PPP1R12A: variants seen among roughly 807,000 people sequenced by gnomAD.
PPP1R12A encodes the protein myosin binding subunit.
In PPP1R12A, 19 loss-of-function variants were observed where a neutral mutation model predicts 139.6. The ratio of observed to expected loss-of-function variants is 0.14; its 90% confidence interval spans 0.09 to 0.20. The LOEUF (loss-of-function observed/expected upper bound fraction) is 0.20, where lower values mean the gene tolerates loss of function less well. Ranked by LOEUF, PPP1R12A falls within the 10% of genes least tolerant of loss-of-function variation. PPP1R12A has a pLI of 1.00. For synonymous variants in PPP1R12A, 427 were observed against 420.6 expected (o/e 1.02, Z -0.19); for missense variants, 925 against 1,211.5 (o/e 0.76, Z 3.51).
At chr12:79,931,653 G>A (rs1033886066) in intron 1 of PPP1R12A, among the ~76,000 whole-genome samples, 3 of 152,064 alleles carry the variant, frequency 2.0e-5, no homozygotes, top group Non-Finnish European at 4.4e-5. Context: ...AACTCTACCA[G>A]GTAGCTATAA....
At chr12:79,923,958 C>T (rs1488405819) in intron 1 of PPP1R12A, among the ~76,000 whole-genome samples, 1 of 152,076 alleles carries the variant, frequency 6.6e-6, no homozygotes, top group East Asian at 1.9e-4. Context: ...GCAGGAGAAT[C>T]ACTTGAACCT....
chr12:79,840,242 T>C (rs1052737769), intron 3 of PPP1R12A, among the ~76,000 whole-genome samples: 2 of 152,200 alleles, frequency 1.3e-5, no homozygotes, highest in African/African-American at 2.4e-5. Flanking sequence ...GCTATGAGGA[T>C]GAAATGAAGA....
chr12:79,797,143 A>G (rs1482133567), intron 16 of PPP1R12A, 52 bp downstream of exon 16: 8 of 1,440,782 alleles, frequency 5.6e-6, no homozygotes, highest in East Asian at 2.3e-5. Context: ...GTTAAGGATC[A>G]TAAGGACTAT....
chr12:79,917,117 GT>G (rs1278746391), intron 1 of PPP1R12A, among the ~76,000 whole-genome samples: 2 of 152,032 alleles, frequency 1.3e-5, no homozygotes, highest in African/African-American at 2.4e-5. Flanking sequence ...AACTTATATA[GT>G]ATTCCCACAT....
At chr12:79,821,709 C>T (rs1007322650) in intron 6 of PPP1R12A, among the ~76,000 whole-genome samples, 3 of 150,824 alleles carry the variant, frequency 2.0e-5, no homozygotes, top group Non-Finnish European at 2.9e-5. Context: ...GTTGAGATCG[C>T]GCCACTGTAC....
intron 9 of PPP1R12A, among the ~76,000 whole-genome samples, chr12:79,815,395 C>T (rs766155543): frequency 6.6e-6 from 1 of 151,984 alleles, no homozygotes; most frequent in Non-Finnish European, 1.5e-5. Flanking sequence ...GGTGGAGGTG[C>T]CTGTGATCCC....
chr12:79,814,253 G>A (rs954914281), intron 9 of PPP1R12A, among the ~76,000 whole-genome samples: 1 of 151,834 alleles, frequency 6.6e-6, no homozygotes, highest in African/African-American at 2.4e-5. Context: ...TGAGGCGGGT[G>A]GATCACGAGG....
chr12:79,787,594 C>T (rs994761746), intron 21 of PPP1R12A: 1 of 152,340 alleles, frequency 6.6e-6, no homozygotes, highest in South Asian at 2.1e-4. Context: ...TCACTGCAAC[C>T]TCTGCCTCCT....
chr12:79,804,789 C>T lies in PPP1R12A; in HGVS notation c.2000+803G>A, dbSNP rs569663593. Reference sequence around the variant, plus strand: ...ACTATGCATAATATAGCAGAAAGAACTGAACTACTTTTCCTGCAATCTTGG... The same window carrying T: ...ACTATGCATAATATAGCAGAAAGAATTGAACTACTTTTCCTGCAATCTTGG... On this transcript the variant is annotated intron_variant, in intron 14 of 24. Transcript: ENST00000450142. Among the ~76,000 whole-genome samples, 3 of 151,924 alleles carry T rather than the reference C, an allele frequency of 2.0e-5. No individual in the cohort carries two copies. The East Asian group carries it at 5.8e-4, about 29-fold the overall frequency.
intron 1 of PPP1R12A, among the ~76,000 whole-genome samples, chr12:79,890,905 C>CCACACCCACCCACACA (rs1884558646): frequency 8.6e-6 from 1 of 115,682 alleles, no homozygotes; most frequent in Non-Finnish European, 1.7e-5. Flanking sequence ...CCACACCCAC[C>CCACACCCACCCACACA]CACACACACA....
At chr12:79,890,995 G>A (rs1024030435) in intron 1 of PPP1R12A, among the ~76,000 whole-genome samples, 1 of 147,792 alleles carries the variant, frequency 6.8e-6, no homozygotes. Flanking sequence ...AGAAAAAGGG[G>A]AAAGGTTTTG....
chr12:79,916,189 TATAAACAACAAATGTG>T (rs1332821261), intron 1 of PPP1R12A, among the ~76,000 whole-genome samples: 20 of 152,102 alleles, frequency 1.3e-4, no homozygotes, highest in African/African-American at 4.1e-4. Context: ...CAAATGTACC[TATAAACAACAAATGTG>T]TATGTAAATT....
At chr12:79,884,146 CCTTTGACA>C (rs1883894801) in intron 1 of PPP1R12A, among the ~76,000 whole-genome samples, 1 of 152,068 alleles carries the variant, frequency 6.6e-6, no homozygotes, top group Non-Finnish European at 1.5e-5. Context: ...TTTGAGTAAT[CCTTTGACA>C]CTTAAGATAA....
At chr12:79,795,284 T>C (rs1872385859) in intron 18 of PPP1R12A, among the ~76,000 whole-genome samples, 1 of 152,074 alleles carries the variant, frequency 6.6e-6, no homozygotes, top group Non-Finnish European at 1.5e-5. Context: ...GTAGATCTTA[T>C]AATGATATTT....
At chr12:79,842,718 T>G (rs1392486495) in intron 3 of PPP1R12A, among the ~76,000 whole-genome samples, 1 of 152,078 alleles carries the variant, frequency 6.6e-6, no homozygotes, top group East Asian at 1.9e-4. Flanking sequence ...CTTTTTTTTT[T>G]GTTTTCAGAA....
intron 3 of PPP1R12A, among the ~76,000 whole-genome samples, chr12:79,841,069 AGAG>A (rs1387957936): frequency 2.1e-5 from 3 of 145,418 alleles, no homozygotes; most frequent in African/African-American, 5.1e-5. Context: ...AAAAAAAAAA[AGAG>A]AGAGAGAGAG....
intron 1 of PPP1R12A, among the ~76,000 whole-genome samples, chr12:79,915,956 T>C (rs1467049521): frequency 6.7e-6 from 1 of 149,552 alleles, no homozygotes; most frequent in Non-Finnish European, 1.5e-5. Flanking sequence ...AGCTATACTG[T>C]TTGCAACATT....
chr12:79,896,788 T>G (rs1028037761), intron 1 of PPP1R12A, among the ~76,000 whole-genome samples: 2 of 152,184 alleles, frequency 1.3e-5, no homozygotes, highest in African/African-American at 4.8e-5. Flanking sequence ...CCTATTCTAT[T>G]TGGCACCAAC....
intron 21 of PPP1R12A, chr12:79,786,808 T>A (rs1160624377): frequency 1.8e-5 from 3 of 163,838 alleles, no homozygotes; most frequent in Non-Finnish European, 2.6e-5. Context: ...GGCTAAGGAG[T>A]CACTGTGATC....
Sources: gnomAD v4.1 joint callset for allele counts (sites outside exome capture counted in the v4.1 genomes callset) on GRCh38, gnomAD v4.1.1 for gene constraint, MANE v1.5 for transcripts, NCBI Gene and HGNC (gene_info 2026-07-23, HGNC 2026-07-21) for gene names.